GAK: variants seen among roughly 807,000 people sequenced by gnomAD.
GAK encodes the protein cyclin G associated kinase, also known as cyclin-G-associated kinase.
GAK carries 79 observed loss-of-function variants against 143.9 expected under a neutral mutation model. That is an observed-to-expected ratio of 0.55 (90% CI 0.46 to 0.66). GAK has a LOEUF of 0.66. Ranked by LOEUF, GAK falls within the 30% of genes least tolerant of loss-of-function variation. The pLI, the probability that GAK is intolerant of heterozygous loss-of-function variation, is 0.00. For missense variants in GAK, 1,693 were observed against 1,779.7 expected (o/e 0.95, Z 0.88); for synonymous variants, 881 against 765.5 (o/e 1.15, Z -2.49).
At chr4:898,442 T>C (rs777041803) in intron 5 of GAK, among the ~76,000 whole-genome samples, 4 of 152,244 alleles carry the variant, frequency 2.6e-5, no homozygotes, top group Non-Finnish European at 5.9e-5. Flanking sequence ...CAGAGTTCAG[T>C]AAATGAGCCT....
Position 850,963 on chromosome 4 carries a change from A to G in GAK, c.3630T>C (p.Ala1210=). ...TIAEMRKQDL[A]KDTDPLKLKL... The stretch of plus-strand genomic sequence containing the variant: ...TCAGCTTGAGTGGGTCCGTGTCTTT[A>G]GCCAGGTCCTGCTTCCTCATCTCTG... The change falls in exon 26 of 28, where the codon GCT becomes GCC. Residue 1210 remains alanine (A), a synonymous_variant. Transcript: ENST00000314167. 1 of 1,613,888 alleles carries G rather than the reference A, an allele frequency of 6.2e-7. No homozygotes were observed. Among genetic ancestry groups the G allele is most frequent in the Non-Finnish European group, 8.5e-7 (1 of 1,179,888 alleles).
intron 4 of GAK, among the ~76,000 whole-genome samples, chr4:911,106 G>A (rs1004914171): frequency 5.3e-5 from 8 of 152,098 alleles, no homozygotes; most frequent in Non-Finnish European, 2.9e-5. Context: ...CCTGACAAAC[G>A]GACCATGGAG....
Position 849,306 on chromosome 4 carries a change from A to C in GAK, c.*367T>G. The C allele has an allele frequency of 7.3e-6, 2 of 272,394 alleles. No homozygotes were observed. Among genetic ancestry groups the C allele is most frequent in the South Asian group, 1.1e-4 (2 of 17,714 alleles). The allele number at this position is 272,394 out of a possible 1,614,324, so 16.9% of individuals were successfully genotyped here. A position where few individuals can be genotyped will look rare whatever the true frequency, so the allele number is the denominator to read the frequency against. On this transcript the variant is annotated 3_prime_UTR_variant, in exon 28 of 28. Coordinates refer to ENST00000314167, the MANE Select transcript of GAK (RefSeq NM_005255.4). Reference sequence around the variant, plus strand: ...CGGAAAATAGTTTAATTCTGTACAGACAACCACGGGACTGATTACAAAGTG... The same window carrying C: ...CGGAAAATAGTTTAATTCTGTACAGCCAACCACGGGACTGATTACAAAGTG...
intron 11 of GAK, among the ~76,000 whole-genome samples, chr4:885,267 A>G (rs904188963): frequency 1.3e-5 from 2 of 152,144 alleles, no homozygotes; most frequent in African/African-American, 4.8e-5. Flanking sequence ...CCTATAATCT[A>G]ATCACCGGTA....
At chr4:911,109 C>T (rs2152933462) in intron 4 of GAK, among the ~76,000 whole-genome samples, 1 of 152,264 alleles carries the variant, frequency 6.6e-6, no homozygotes, top group Non-Finnish European at 1.5e-5. Context: ...GACAAACGGA[C>T]CATGGAGTCG....
intron 19 of GAK, 77 bp downstream of exon 19, chr4:870,634 A>C: frequency 6.8e-7 from 1 of 1,467,578 alleles, no homozygotes; most frequent in Non-Finnish European, 9.4e-7. Flanking sequence ...GCCCTGCCAG[A>C]GCTCAGCCAA....
chr4:890,771 C>A, intron 9 of GAK, 149 bp from the exon 10 acceptor site: 1 of 628,894 alleles, frequency 1.6e-6, no homozygotes, highest in South Asian at 2.0e-5. Flanking sequence ...TTCCCACAGG[C>A]TGAAGCATCA....
chr4:883,728 C>T (rs141482517), intron 12 of GAK, among the ~76,000 whole-genome samples: 13 of 152,362 alleles, frequency 8.5e-5, no homozygotes, highest in Non-Finnish European at 1.8e-4. Flanking sequence ...CTCCAGGTGT[C>T]GGGATGAGTG....
intron 26 of GAK, 86 bp from the exon 27 acceptor site, chr4:850,154 G>A (rs1747864746): frequency 7.5e-7 from 1 of 1,337,832 alleles, no homozygotes; most frequent in African/African-American, 1.5e-5. Context: ...CGACGCTGAG[G>A]AAGTGCCTGG....
rs1374761079 is a variant in GAK, at chr4:865,378, C to T, written c.3044-134G>A. The T allele has an allele frequency of 2.0e-5, 22 of 1,090,870 alleles. No individual in the cohort carries two copies. The South Asian group carries it at 2.1e-4, about 10-fold the overall frequency. The allele number at this position is 1,090,870 out of a possible 1,614,324, so 67.6% of individuals were successfully genotyped here. On this transcript the variant is annotated intron_variant, in intron 22 of 27. Transcript: ENST00000314167. The stretch of plus-strand genomic sequence containing the variant: ...CCAGGCTGAGCTGAGGCTGGGCTGA[C>T]GGCCTCTCTCTTCCTGAAGGGTCCT...
intron 9 of GAK, among the ~76,000 whole-genome samples, chr4:892,641 C>A (rs1717902620): frequency 6.6e-6 from 1 of 152,222 alleles, no homozygotes; most frequent in South Asian, 2.1e-4. Context: ...CCTGGCCAGG[C>A]CCAGCCCTGA....
At position 879,611 on chromosome 4, in the gene GAK, CAGG is replaced by C. The variant is rs1198551048; in HGVS notation, c.1662-1805_1662-1803del. Among the ~76,000 whole-genome samples the C allele has an allele frequency of 1.5e-4, 23 of 152,292 alleles. 5 individuals carry two copies. Among genetic ancestry groups the C allele is most frequent in the East Asian group, 1.9e-4 (1 of 5,180 alleles). On this transcript the variant is annotated intron_variant, in intron 15 of 27. Coordinates refer to ENST00000314167, the MANE Select transcript of GAK (RefSeq NM_005255.4). Reference sequence around the variant, plus strand: ...CAACACTTCCTCTGTGCTCGGTTTGCAGGAGTTCTGACCGGTATGCACCCGAGT... The same window carrying C: ...CAACACTTCCTCTGTGCTCGGTTTGCAGTTCTGACCGGTATGCACCCGAGT...
At chr4:880,367 A>G (rs909698716) in intron 15 of GAK, among the ~76,000 whole-genome samples, 3 of 152,232 alleles carry the variant, frequency 2.0e-5, no homozygotes, top group Non-Finnish European at 4.4e-5. Flanking sequence ...CAGCACATCA[A>G]TTAGTTACTT....
chr4:876,408 C>T, intron 18 of GAK, 122 bp downstream of exon 18: 1 of 808,934 alleles, frequency 1.2e-6, no homozygotes, highest in Non-Finnish European at 2.1e-6. Flanking sequence ...AGGCCCAGAG[C>T]CACCAAGCAG....
In GAK at chr4:912,792, C is replaced by A; in HGVS notation, c.210G>T (p.Arg70Ser). Residue 70 changes from arginine to serine, a missense_variant and splice_region_variant, in exon 3 of 28, where the codon AGG becomes AGT. Physicochemically the swap from Arg to Ser is moderately radical, Grantham distance 110. Transcript: ENST00000314167. ...VGSGREYALK[R>S]LLSNEEEKNR... ...TCTTTTCCTCTTCATTGGATAATAG[C>A]CTCTGTATCAGGAAACAGCACACAC... 1 of 1,612,954 alleles carries A rather than the reference C, an allele frequency of 6.2e-7. No homozygotes were observed. Among genetic ancestry groups the A allele is most frequent in the Non-Finnish European group, 8.5e-7 (1 of 1,179,248 alleles).
In GAK at chr4:912,019, G is replaced by A. The variant is rs534811659; in HGVS notation, c.268-232C>T. The A allele has an allele frequency of 1.4e-4, 72 of 502,842 alleles. No homozygotes were observed. In the East Asian group the frequency reaches 3.5e-3, roughly 24 times the overall value. The allele number at this position is 502,842 out of a possible 1,614,324, so 31.1% of individuals were successfully genotyped here. A position where few individuals can be genotyped will look rare whatever the true frequency, so the allele number is the denominator to read the frequency against. ...GGCGGGGACAAAGGCAGGCACACCG[G>A]CCACACACACCTGACCACAGCGACA... On this transcript the variant is annotated intron_variant, in intron 3 of 27. Coordinates refer to ENST00000314167, the MANE Select transcript of GAK (RefSeq NM_005255.4).
chr4:927,708 G>A (rs1430047569), intron 1 of GAK, among the ~76,000 whole-genome samples: 11 of 124,558 alleles, frequency 8.8e-5, no homozygotes, highest in South Asian at 2.8e-4. Flanking sequence ...CCTGCCCTCC[G>A]CACTGCCCCG....
At position 877,223 on chromosome 4, in the gene GAK, CAAG is replaced by C. The variant is rs1560334561; in HGVS notation, c.1857-19_1857-17del. The C allele has an allele frequency of 6.3e-7, 1 of 1,579,044 alleles. No homozygotes were observed. Among genetic ancestry groups the C allele is most frequent in the African/African-American group, 1.3e-5 (1 of 74,086 alleles). Reference sequence around the variant, plus strand: ...CTTAAAGTCCCTAAGGACAGAATGACAAGAGAAAAATTTTAAAAACCCCCAAAA... The same window carrying C: ...CTTAAAGTCCCTAAGGACAGAATGACAGAAAAATTTTAAAAACCCCCAAAA... On this transcript the variant is annotated splice_polypyrimidine_tract_variant and intron_variant, in intron 16 of 27. Transcript: ENST00000314167.
chr4:906,156 C>G (rs536091234), intron 4 of GAK, among the ~76,000 whole-genome samples: 1 of 152,294 alleles, frequency 6.6e-6, no homozygotes, highest in East Asian at 1.9e-4. Flanking sequence ...AACGTGAGAA[C>G]CACACTGGCA....
Sources: gnomAD v4.1 joint callset for allele counts (sites outside exome capture counted in the v4.1 genomes callset) on GRCh38, gnomAD v4.1.1 for gene constraint, MANE v1.5 for transcripts, NCBI Gene and HGNC (gene_info 2026-07-23, HGNC 2026-07-21) for gene names.